Variants in PDE1C observed in about 807,000 individuals in gnomAD.
The protein encoded by PDE1C is phosphodiesterase 1C.
In PDE1C, 62 loss-of-function variants were observed where a neutral mutation model predicts 93.1. The ratio of observed to expected loss-of-function variants is 0.67; its 90% CI spans 0.54 to 0.82. PDE1C has a LOEUF of 0.82. Ranked by LOEUF, PDE1C falls within the 40% of genes least tolerant of loss-of-function variation. PDE1C has a pLI of 0.00. For synonymous variants in PDE1C, 325 were observed against 310.1 expected (o/e 1.05, Z -0.50); for missense variants, 742 against 884.6 (o/e 0.84, Z 2.04).
chr7:32,398,358 G>A (rs1187758957), intron 1 of PDE1C, among the ~76,000 whole-genome samples: 1 of 151,884 alleles, frequency 6.6e-6, no homozygotes, highest in South Asian at 2.1e-4. Context: ...ACTGATACGG[G>A]ATGATTTCCA....
intron 1 of PDE1C, among the ~76,000 whole-genome samples, chr7:32,338,799 C>G (rs796453158): frequency 2.0e-5 from 3 of 152,024 alleles, no homozygotes; most frequent in African/African-American, 7.2e-5. Context: ...GTCAGGAGAT[C>G]GAGACCATCC....
intron 1 of PDE1C, among the ~76,000 whole-genome samples, chr7:32,211,580 TA>T (rs199703980): frequency 1.5e-5 from 2 of 130,904 alleles, no homozygotes; most frequent in South Asian, 2.6e-4. Context: ...TATCTTATAA[TA>T]AAAAAAAAGG....
At chr7:31,860,578 T>A (rs1794577437) in intron 7 of PDE1C, among the ~76,000 whole-genome samples, 1 of 152,198 alleles carries the variant, frequency 6.6e-6, no homozygotes, top group South Asian at 2.1e-4. Flanking sequence ...TTTGACTGAA[T>A]TTGTGTCATT....
rs1301461101 is a variant in PDE1C at position 31,933,570 on chromosome 7, T to C, written c.129-52710A>G. Reference sequence around the variant, plus strand: ...AACAGTTTTAGGATGACACTTGATATACAGTCTGGATACTCGTCCCTGCCC... The same window carrying C: ...AACAGTTTTAGGATGACACTTGATACACAGTCTGGATACTCGTCCCTGCCC... On this transcript the variant is annotated intron_variant, in intron 2 of 17. Coordinates refer to ENST00000396191, the MANE Select transcript of PDE1C (RefSeq NM_001191057.4). Among the ~76,000 whole-genome samples, 4 of 152,204 alleles carry C rather than the reference T, an allele frequency of 2.6e-5. No individual in the cohort carries two copies. In the East Asian group the frequency reaches 5.8e-4, roughly 22 times the overall value.
chr7:32,215,538 GT>G (rs1322749728), intron 1 of PDE1C, among the ~76,000 whole-genome samples: 3 of 152,174 alleles, frequency 2.0e-5, no homozygotes, highest in African/African-American at 7.2e-5. Context: ...AGAGTAAGTA[GT>G]TGCCATGGAG....
intron 1 of PDE1C, among the ~76,000 whole-genome samples, chr7:32,240,506 G>A (rs1030619939): frequency 4.6e-5 from 7 of 152,266 alleles, no homozygotes; most frequent in Non-Finnish European, 8.8e-5. Flanking sequence ...GGTATAGAGA[G>A]GAGGAAAGTA....
rs149055591 is a variant in PDE1C at position 31,908,700 on chromosome 7, G to T, written c.129-27840C>A. Among the ~76,000 whole-genome samples, 556 of 152,204 alleles carry T rather than the reference G, an allele frequency of 3.7e-3. 2 individuals are homozygous for T. The highest frequency in any genetic ancestry group is 0.012 in the African/African-American group (513 of 41,532). On this transcript the variant is annotated intron_variant, in intron 2 of 17. Transcript: ENST00000396191. The stretch of plus-strand genomic sequence containing the variant: ...AATACTTTATGTGACTTTCAGCAGG[G>T]TCACACACCTAAAAAGTGATGGCAC...
At chr7:31,969,733 G>A (rs1250555700) in intron 2 of PDE1C, among the ~76,000 whole-genome samples, 1 of 152,134 alleles carries the variant, frequency 6.6e-6, no homozygotes, top group Admixed American at 6.5e-5. Context: ...CAAAGACTTG[G>A]AACCAACCCA....
rs762270162 is a variant in PDE1C, at chr7:32,053,347, C to T, written c.102-1767G>A. 9.9e-5 allele frequency among the ~76,000 whole-genome samples: 15 copies of T among 152,192 alleles called. 1 individual carries two copies. Among genetic ancestry groups the T allele is most frequent in the Non-Finnish European group, 1.9e-4 (13 of 68,026 alleles). Reference sequence around the variant, plus strand: ...CATGTGCACTGATCAATCACTCTCTCGCACCTGGACCCTGTCACCAATGAC... The same window carrying T: ...CATGTGCACTGATCAATCACTCTCTTGCACCTGGACCCTGTCACCAATGAC... On this transcript the variant is annotated intron_variant, in intron 1 of 17. Transcript: ENST00000396191.
chr7:32,295,817 G>A (rs528902803), intron 1 of PDE1C, among the ~76,000 whole-genome samples: 55 of 147,848 alleles, frequency 3.7e-4, no homozygotes, highest in Non-Finnish European at 6.7e-4. Context: ...TGGTGTGAAC[G>A]CGGGAGGCGG....
intron 16 of PDE1C, among the ~76,000 whole-genome samples, chr7:31,800,966 C>T (rs1584153062): frequency 6.6e-6 from 1 of 150,734 alleles, no homozygotes; most frequent in African/African-American, 2.4e-5. Context: ...AATGAAAATG[C>T]AGCATATCAG....
intron 1 of PDE1C, among the ~76,000 whole-genome samples, chr7:32,053,742 A>C (rs866425735): frequency 2.0e-5 from 3 of 152,154 alleles, no homozygotes; most frequent in South Asian, 2.1e-4. Context: ...ATCAAAGATG[A>C]ACAAAAATAA....
chr7:31,712,488 G>A, the PDE1C span, among the ~76,000 whole-genome samples: 1 of 152,146 alleles, frequency 6.6e-6, no homozygotes, highest in Non-Finnish European at 1.5e-5. Flanking sequence ...TGGCACCAGG[G>A]AGTCCTCCCA....
intron 2 of PDE1C, among the ~76,000 whole-genome samples, chr7:32,024,189 T>C (rs1028674980): frequency 1.3e-5 from 2 of 151,988 alleles, no homozygotes; most frequent in South Asian, 2.1e-4. Flanking sequence ...ATAAACACTG[T>C]CCAAAGAAAA....
Position 31,965,865 on chromosome 7 carries a change from A to G in PDE1C, c.129-85005T>C, listed in dbSNP as rs1396648015. Among the ~76,000 whole-genome samples, 6 of 152,252 alleles carry G rather than the reference A, an allele frequency of 3.9e-5. No individual in the cohort carries two copies. In the East Asian group the frequency reaches 1.2e-3, roughly 29 times the overall value. ...TTCATATCCAGCCAAACTAAGCTTC[A>G]TAAGTGAAGGAGAAATAAAATACTT... On this transcript the variant is annotated intron_variant, in intron 2 of 17. Coordinates refer to ENST00000396191, the MANE Select transcript of PDE1C (RefSeq NM_001191057.4).
intron 1 of PDE1C, among the ~76,000 whole-genome samples, chr7:32,261,435 A>T (rs1171075019): frequency 6.6e-6 from 1 of 151,772 alleles, no homozygotes. Context: ...ATCTTTAAAA[A>T]CTCTGATCCT....
At chr7:32,261,356 C>G (rs748531708) in intron 1 of PDE1C, among the ~76,000 whole-genome samples, 1 of 152,110 alleles carries the variant, frequency 6.6e-6, no homozygotes, top group Non-Finnish European at 1.5e-5. Context: ...TCACTTCAAC[C>G]CCCTATGATT....
chr7:31,889,118 C>T (rs1475844680), intron 2 of PDE1C, among the ~76,000 whole-genome samples: 3 of 152,182 alleles, frequency 2.0e-5, no homozygotes, highest in African/African-American at 7.2e-5. Context: ...CAAACAAATT[C>T]ACCACAAGTC....
the PDE1C span, among the ~76,000 whole-genome samples, chr7:31,681,345 TTGGATGGATGGATGGA>T: frequency 7.6e-5 from 11 of 144,404 alleles, no homozygotes; most frequent in Non-Finnish European, 1.4e-4. Context: ...CACAGTTCAG[TTGGATGGATGGATGGA>T]TGGATGGACG....
Sources: gnomAD v4.1 joint callset for allele counts (sites outside exome capture counted in the v4.1 genomes callset) on GRCh38, gnomAD v4.1.1 for gene constraint, MANE v1.5 for transcripts, NCBI Gene and HGNC (gene_info 2026-07-23, HGNC 2026-07-21) for gene names.